CDH4: variants seen among roughly 807,000 people sequenced by gnomAD.
The protein encoded by CDH4 is cadherin 4, also known as cadherin-4.
Under a neutral mutation model 86.0 loss-of-function variants are expected in CDH4, and 33 were observed. That is an observed-to-expected ratio of 0.38 (90% CI 0.29 to 0.51). The LOEUF is 0.51. CDH4 is among the 20% of genes least tolerant of loss of function. CDH4 has a pLI of 0.86. For missense variants in CDH4, 1,114 were observed against 1,307.4 expected (o/e 0.85, Z 2.28); for synonymous variants, 555 against 549.4 (o/e 1.01, Z -0.14).
chr20:61,760,183 G>T (rs2088616584), intron 3 of CDH4, among the ~76,000 whole-genome samples: 1 of 151,742 alleles, frequency 6.6e-6, no homozygotes, highest in Non-Finnish European at 1.5e-5. Flanking sequence ...GAGGGGGTGG[G>T]TGGCTTTGAG....
chr20:61,916,035 T>C (rs181959565), intron 9 of CDH4, among the ~76,000 whole-genome samples: 9 of 152,350 alleles, frequency 5.9e-5, no homozygotes, highest in Middle Eastern at 3.4e-3. Flanking sequence ...ATAGTGCTTT[T>C]CTCTGAAGTT....
At chr20:61,327,369 C>T (rs1428084295) in intron 2 of CDH4, among the ~76,000 whole-genome samples, 1 of 152,118 alleles carries the variant, frequency 6.6e-6, no homozygotes, top group Non-Finnish European at 1.5e-5. Flanking sequence ...ACCCACAACT[C>T]AATTTGGTGG....
intron 2 of CDH4, among the ~76,000 whole-genome samples, chr20:61,362,849 C>T (rs2084791617): frequency 6.6e-6 from 1 of 152,150 alleles, no homozygotes. Context: ...TACAAGGGTC[C>T]AGCAACGTGC....
At chr20:61,278,147 T>A (rs1294678640) in intron 2 of CDH4, among the ~76,000 whole-genome samples, 2 of 152,234 alleles carry the variant, frequency 1.3e-5, no homozygotes, top group Non-Finnish European at 2.9e-5. Context: ...TGCTTCATTT[T>A]TTAAAGTATG....
chr20:61,849,352 TGTTA>T (rs907403428), intron 5 of CDH4, among the ~76,000 whole-genome samples: 4 of 152,170 alleles, frequency 2.6e-5, no homozygotes, highest in East Asian at 1.9e-4. Flanking sequence ...AGCAGGGGTG[TGTTA>T]GTTCTCTGCA....
At chr20:61,565,170 G>GTGGC (rs1555809040) in intron 2 of CDH4, among the ~76,000 whole-genome samples, 1 of 127,148 alleles carries the variant, frequency 7.9e-6, no homozygotes, top group Non-Finnish European at 1.7e-5. Flanking sequence ...CTTGGTGATG[G>GTGGC]GGTGGTGGTG....
At chr20:61,324,820 T>G (rs369600159) in intron 2 of CDH4, among the ~76,000 whole-genome samples, 5 of 152,202 alleles carry the variant, frequency 3.3e-5, no homozygotes, top group African/African-American at 1.2e-4. Flanking sequence ...TGTGTCCATC[T>G]GCACACCTCC....
intron 2 of CDH4, among the ~76,000 whole-genome samples, chr20:61,645,298 T>C (rs2087050127): frequency 6.6e-6 from 1 of 152,168 alleles, no homozygotes; most frequent in Admixed American, 6.5e-5. Flanking sequence ...TAGGGCCTGT[T>C]ACTTAACCTC....
intron 2 of CDH4, among the ~76,000 whole-genome samples, chr20:61,584,913 T>A (rs1224642437): frequency 6.6e-6 from 1 of 152,082 alleles, no homozygotes; most frequent in African/African-American, 2.4e-5. Context: ...TGAGCAGGTG[T>A]CTGAATGGAG....
At chr20:61,323,257 C>T (rs903761717) in intron 2 of CDH4, among the ~76,000 whole-genome samples, 14 of 152,294 alleles carry the variant, frequency 9.2e-5, no homozygotes, top group South Asian at 2.1e-4. Context: ...CAGGGCAGCC[C>T]AGTGTCCCGA....
At chr20:61,497,933 C>A (rs1028775888) in intron 2 of CDH4, among the ~76,000 whole-genome samples, 9 of 151,880 alleles carry the variant, frequency 5.9e-5, no homozygotes, top group Admixed American at 1.3e-4. Flanking sequence ...TGGAAACCAT[C>A]ATTCTCAGCA....
At position 61,631,748 on chromosome 20, in the gene CDH4, G is replaced by A. The variant is rs185176646; in HGVS notation, c.170-111815G>A. On this transcript the variant is annotated intron_variant, in intron 2 of 15. Transcript: ENST00000614565. Reference sequence around the variant, plus strand: ...ACCACCCCTGAGGAGCACCCTCTTGGCTGGCTTCTGCCATTGTCTGCCACA... The same window carrying A: ...ACCACCCCTGAGGAGCACCCTCTTGACTGGCTTCTGCCATTGTCTGCCACA... Among the ~76,000 whole-genome samples, 3 of 152,370 alleles carry A rather than the reference G, an allele frequency of 2.0e-5. No homozygotes were observed. The East Asian group carries it at 5.8e-4, about 29-fold the overall frequency.
chr20:61,750,778 G>A (rs558605014), intron 3 of CDH4, among the ~76,000 whole-genome samples: 33 of 152,366 alleles, frequency 2.2e-4, no homozygotes, highest in African/African-American at 6.0e-4. Context: ...ACTGGGACTC[G>A]TGAGTAAGGT....
chr20:61,576,559 C>T (rs764515547), intron 2 of CDH4, among the ~76,000 whole-genome samples: 23 of 152,230 alleles, frequency 1.5e-4, no homozygotes, highest in Middle Eastern at 3.4e-3. Context: ...CCTCCCTGAC[C>T]GGAGGCAGAC....
chr20:61,792,904 C>A (rs1440047692), intron 4 of CDH4, among the ~76,000 whole-genome samples: 1 of 152,140 alleles, frequency 6.6e-6, no homozygotes, highest in Non-Finnish European at 1.5e-5. Context: ...CCGCCTCGGC[C>A]TCCCAAAGTG....
Position 61,922,637 on chromosome 20 carries a change from G to A in CDH4, c.1375-814G>A, listed in dbSNP as rs571551651. Among the ~76,000 whole-genome samples the A allele has an allele frequency of 2.0e-5, 3 of 152,338 alleles. No homozygotes were observed. In the East Asian group the frequency reaches 5.8e-4, roughly 29 times the overall value. The stretch of plus-strand genomic sequence containing the variant: ...CGGTCTCGCTTAGGAGGTTGTAGAG[G>A]AGAACCCACTGCCTGCCTCTCTCCC... On this transcript the variant is annotated intron_variant, in intron 9 of 15. Coordinates refer to ENST00000614565, the MANE Select transcript of CDH4 (RefSeq NM_001794.5).
Position 61,400,565 on chromosome 20 carries a change from G to A in CDH4, c.169+145628G>A, listed in dbSNP as rs188051412. Among the ~76,000 whole-genome samples, 16 of 152,314 alleles carry A rather than the reference G, an allele frequency of 1.1e-4. No homozygotes were observed. The East Asian group carries it at 2.3e-3, about 22-fold the overall frequency. On this transcript the variant is annotated intron_variant, in intron 2 of 15. Coordinates refer to ENST00000614565, the MANE Select transcript of CDH4 (RefSeq NM_001794.5). ...TTCTGTATGTTCCCATGAATCTGTAGGGACTCTGCTCCATATGGTCACGCA... is the reference window on the plus strand; with the variant it reads ...TTCTGTATGTTCCCATGAATCTGTAAGGACTCTGCTCCATATGGTCACGCA...
At chr20:61,256,500 T>C (rs1423109930) in intron 2 of CDH4, among the ~76,000 whole-genome samples, 1 of 152,236 alleles carries the variant, frequency 6.6e-6, no homozygotes, top group African/African-American at 2.4e-5. Context: ...TGGGGATATC[T>C]GCTCCAGTGG....
chr20:61,682,474 T>TGGAC (rs2087527571), intron 2 of CDH4, among the ~76,000 whole-genome samples: 1 of 144,946 alleles, frequency 6.9e-6, no homozygotes, highest in Non-Finnish European at 1.5e-5. Context: ...GATGGATGGA[T>TGGAC]GGACAGATGG....
Sources: gnomAD v4.1 joint callset for allele counts (sites outside exome capture counted in the v4.1 genomes callset) on GRCh38, gnomAD v4.1.1 for gene constraint, MANE v1.5 for transcripts, NCBI Gene and HGNC (gene_info 2026-07-23, HGNC 2026-07-21) for gene names.